The following LIX1 variants were observed in gnomAD, a reference collection of about 807,000 sequenced individuals.
LIX1 encodes limb and CNS expressed 1.
In LIX1, 24 loss-of-function variants were observed where a neutral mutation model predicts 33.4. That is an observed-to-expected ratio of 0.72 (90% CI 0.52 to 1.01). The LOEUF (loss-of-function observed/expected upper bound fraction) is 1.01. Ranked by LOEUF, LIX1 falls within the 50% of genes least tolerant of loss-of-function variation. The probability of loss-of-function intolerance (pLI) is 0.00; values close to 1 mark genes in which losing one functional copy is unlikely to be tolerated. For missense variants in LIX1, 311 were observed against 339.2 expected (o/e 0.92, Z 0.65); for synonymous variants, 124 against 124.0 (o/e 1.00, Z 0.00).
intron 5 of LIX1, among the ~76,000 whole-genome samples, chr5:97,095,924 ACCAAAG>A (rs1038140642): frequency 6.6e-5 from 10 of 152,208 alleles, no homozygotes; most frequent in African/African-American, 2.4e-4. Flanking sequence ...AAAAAACAAA[ACCAAAG>A]CCATTGTCAG....
intron 1 of LIX1, among the ~76,000 whole-genome samples, chr5:97,126,606 T>A (rs887810562): frequency 2.0e-5 from 3 of 152,114 alleles, no homozygotes; most frequent in African/African-American, 7.2e-5. Context: ...TTTTTAATTT[T>A]TTTGAAAATA....
intron 5 of LIX1, among the ~76,000 whole-genome samples, chr5:97,096,608 C>T (rs531753840): frequency 6.6e-6 from 1 of 152,278 alleles, no homozygotes; most frequent in African/African-American, 2.4e-5. Flanking sequence ...CCTGTGCCCA[C>T]GTTCTTTTTA....
chr5:97,111,899 C>A (rs1490808881), intron 2 of LIX1, among the ~76,000 whole-genome samples: 1 of 152,182 alleles, frequency 6.6e-6, no homozygotes, highest in Non-Finnish European at 1.5e-5. Context: ...GAGACCTAAC[C>A]AATACCAAGA....
At chr5:97,120,195 C>T (rs557897785) in intron 2 of LIX1, among the ~76,000 whole-genome samples, 2 of 152,308 alleles carry the variant, frequency 1.3e-5, no homozygotes, top group Admixed American at 6.5e-5. Context: ...TCCTAGCCCA[C>T]TATCTTGCAG....
chr5:97,104,677 C>A (rs897438354), intron 4 of LIX1, among the ~76,000 whole-genome samples: 1 of 152,098 alleles, frequency 6.6e-6, no homozygotes, highest in Non-Finnish European at 1.5e-5. Context: ...CTCTTGTTAT[C>A]ATTTGTCGGC....
chr5:97,101,042 C>A (rs1226634965), intron 4 of LIX1, among the ~76,000 whole-genome samples: 1 of 151,668 alleles, frequency 6.6e-6, no homozygotes, highest in East Asian at 1.9e-4. Flanking sequence ...GCCTGAGGGG[C>A]CCAGCTGCAC....
At chr5:97,132,048 A>G (rs151127099) in intron 1 of LIX1, among the ~76,000 whole-genome samples, 13 of 152,336 alleles carry the variant, frequency 8.5e-5, no homozygotes, top group African/African-American at 2.9e-4. Flanking sequence ...TTGGATGCCA[A>G]CACGAATTGA....
chr5:97,125,592 T>A (rs1373414274), intron 1 of LIX1, among the ~76,000 whole-genome samples: 1 of 152,240 alleles, frequency 6.6e-6, no homozygotes, highest in Non-Finnish European at 1.5e-5. Flanking sequence ...AAATCTGCTT[T>A]CCTGTAAGGT....
chr5:97,102,589 A>G (rs31017), intron 4 of LIX1, among the ~76,000 whole-genome samples: 152,049 of 152,316 alleles, frequency 1, 75,891 homozygotes, highest in Middle Eastern at 1. Context: ...GTCCACAGTA[A>G]GATTCAAATT....
At chr5:97,135,867 G>A (rs75070571) in intron 1 of LIX1, among the ~76,000 whole-genome samples, 1 of 152,156 alleles carries the variant, frequency 6.6e-6, no homozygotes, top group African/African-American at 2.4e-5. Context: ...AGACTTTAGA[G>A]GACCAATGAT....
intron 1 of LIX1, among the ~76,000 whole-genome samples, chr5:97,136,223 G>A (rs912878138): frequency 6.6e-6 from 1 of 152,256 alleles, no homozygotes; most frequent in Non-Finnish European, 1.5e-5. Context: ...CCAAGGCAGA[G>A]CTCTAGCCGA....
chr5:97,134,385 G>A (rs912433669), intron 1 of LIX1, among the ~76,000 whole-genome samples: 2 of 152,220 alleles, frequency 1.3e-5, no homozygotes, highest in Admixed American at 1.3e-4. Context: ...CTCCCAAAGG[G>A]CTGGGATTAT....
intron 4 of LIX1, among the ~76,000 whole-genome samples, chr5:97,103,403 G>T (rs1321315048): frequency 2.0e-5 from 3 of 152,114 alleles, no homozygotes; most frequent in Non-Finnish European, 4.4e-5. Context: ...CACTCTTCTG[G>T]ACTCTACGCA....
intron 4 of LIX1, among the ~76,000 whole-genome samples, chr5:97,104,555 C>G (rs1746909450): frequency 6.6e-6 from 1 of 152,174 alleles, no homozygotes; most frequent in Non-Finnish European, 1.5e-5. Flanking sequence ...AATTATGACA[C>G]TATTTGTTAA....
intron 1 of LIX1, among the ~76,000 whole-genome samples, chr5:97,130,339 T>C (rs1010243413): frequency 1.3e-5 from 2 of 152,244 alleles, no homozygotes; most frequent in Admixed American, 1.3e-4. Context: ...TGGCTTTGCA[T>C]TATTTCTCCG....
intron 2 of LIX1, among the ~76,000 whole-genome samples, chr5:97,108,123 G>A (rs2112767788): frequency 6.6e-6 from 1 of 152,334 alleles, no homozygotes; most frequent in Non-Finnish European, 1.5e-5. Context: ...ATGAGAACAG[G>A]CCAGCCAGAC....
chr5:97,094,711 C>T lies in LIX1; in HGVS notation c.*37G>A, dbSNP rs202147838. ...CTGAGATTCCTAATGTTAATCTGGC[C>T]TCTGCCATCACTGAGGGTACCCGGG... On this transcript the variant is annotated 3_prime_UTR_variant, in exon 6 of 6. Transcript: ENST00000274382. 392 of 1,597,798 alleles carry T rather than the reference C, an allele frequency of 2.5e-4. No homozygotes were observed. The highest frequency in any genetic ancestry group is 3.0e-4 in the Non-Finnish European group (354 of 1,170,016).
At chr5:97,100,040 T>C (rs1193094906) in intron 4 of LIX1, among the ~76,000 whole-genome samples, 1 of 152,204 alleles carries the variant, frequency 6.6e-6, no homozygotes, top group Non-Finnish European at 1.5e-5. Context: ...CATCCTCTGA[T>C]AACTGTTGAC....
At chr5:97,105,126 G>A (rs1373304796) in intron 4 of LIX1, 64 bp downstream of exon 4, 2 of 1,387,166 alleles carry the variant, frequency 1.4e-6, no homozygotes, top group Admixed American at 1.7e-5. Context: ...AGTGATAAAT[G>A]TTGCATTTCT....
Sources: allele counts gnomAD v4.1 joint callset (sites outside exome capture counted in the v4.1 genomes callset), GRCh38; gene constraint gnomAD v4.1.1; transcripts MANE v1.5; gene names NCBI Gene and HGNC (gene_info 2026-07-23, HGNC 2026-07-21).